ZNF98: variants seen among roughly 807,000 people sequenced by gnomAD.
ZNF98 encodes the protein zinc finger protein 98, also known as zinc finger protein 739.
ZNF98 carries 8 observed loss-of-function variants against 12.8 expected under a neutral mutation model. The observed-to-expected ratio is 0.63, with a 90% CI of 0.37 to 1.13. The LOEUF (loss-of-function observed/expected upper bound fraction) is 1.13, where lower values mean the gene tolerates loss of function less well. Among genes scored for constraint, ZNF98 ranks in the 50% most tolerant of loss-of-function variants. The pLI is 0.01. For missense variants in ZNF98, 379 were observed against 666.1 expected, an observed-to-expected ratio of 0.57 and a Z score of 4.74; for synonymous variants, 112 against 223.5, an observed-to-expected ratio of 0.50 and a Z score of 4.45.
chr19:22,394,773 C>T (rs954404270), intron 3 of ZNF98, among the ~76,000 whole-genome samples: 1 of 151,894 alleles, frequency 6.6e-6, no homozygotes, highest in Non-Finnish European at 1.5e-5. Flanking sequence ...GCACATGTAC[C>T]CTAGGACTTA....
At chr19:22,410,973 T>C (rs1267235293) in intron 1 of ZNF98, among the ~76,000 whole-genome samples, 5 of 152,220 alleles carry the variant, frequency 3.3e-5, no homozygotes, top group Non-Finnish European at 5.9e-5. Flanking sequence ...ATAATCTTTG[T>C]TGGCTTTTTA....
chr19:22,400,401 T>C (rs1215531548), intron 3 of ZNF98, among the ~76,000 whole-genome samples: 1 of 152,128 alleles, frequency 6.6e-6, no homozygotes, highest in East Asian at 1.9e-4. Flanking sequence ...GCCTACCATA[T>C]GCAGACCCAA....
At chr19:22,401,471 TATTG>T (rs1241923685) in intron 3 of ZNF98, among the ~76,000 whole-genome samples, 1 of 148,960 alleles carries the variant, frequency 6.7e-6, no homozygotes, top group Non-Finnish European at 1.5e-5. Flanking sequence ...ATTTCATGTC[TATTG>T]ATTGAAAGAA....
intron 1 of ZNF98, among the ~76,000 whole-genome samples, chr19:22,416,348 T>C (rs1284358283): frequency 6.6e-6 from 1 of 151,826 alleles, no homozygotes; most frequent in Non-Finnish European, 1.5e-5. Flanking sequence ...TGGGCATCTG[T>C]AGTCCCAGCT....
At chr19:22,398,388 T>C (rs892858070) in intron 3 of ZNF98, among the ~76,000 whole-genome samples, 3 of 151,270 alleles carry the variant, frequency 2.0e-5, no homozygotes, top group African/African-American at 7.3e-5. Context: ...TGTTTTTGAG[T>C]CAGGGTCTCA....
intron 3 of ZNF98, among the ~76,000 whole-genome samples, chr19:22,401,292 T>C (rs1431199314): frequency 1.3e-5 from 2 of 151,974 alleles, no homozygotes; most frequent in Admixed American, 6.6e-5. Flanking sequence ...AAGTTATGGT[T>C]CCATACACTT....
chr19:22,421,220 C>T (rs766501235), intron 1 of ZNF98, among the ~76,000 whole-genome samples: 2 of 151,934 alleles, frequency 1.3e-5, no homozygotes, highest in Non-Finnish European at 1.5e-5. Flanking sequence ...AATTAAAATA[C>T]GGTATATAAA....
In ZNF98 at chr19:22,391,519, T is replaced by C; in HGVS notation, c.1716A>G (p.Lys572=). Residue 572 remains lysine (K), a synonymous_variant, in exon 4 of 4, where the codon AAA becomes AAG. Transcript: ENST00000357774. ...CTTTGTCACATTCATATTTCTATTA[T>C]TTCTCACCAGCACAATTTCTTTTAT... ...SKYKRNCAGE[K] is the part of the protein sequence containing the mutation. 1 of 1,562,932 alleles carries C rather than the reference T, an allele frequency of 6.4e-7. No homozygotes were observed. Among genetic ancestry groups the C allele is most frequent in the South Asian group, 1.2e-5 (1 of 85,016 alleles).
intron 3 of ZNF98, among the ~76,000 whole-genome samples, chr19:22,397,623 A>G (rs1157604851): frequency 2.0e-5 from 3 of 148,880 alleles, no homozygotes; most frequent in Admixed American, 6.7e-5. Flanking sequence ...ATTAACAAAT[A>G]TATAGAAATT....
At position 22,392,743 on chromosome 19, in the gene ZNF98, A is replaced by G. The variant is rs1394682778; in HGVS notation, c.492T>C (p.His164=). 1.2e-6 allele frequency: 2 copies of G among 1,608,214 alleles called. No individual in the cohort carries two copies. Among genetic ancestry groups the G allele is most frequent in the South Asian group, 1.1e-5 (1 of 90,346 alleles). Residue 164 remains histidine, a synonymous_variant, in exon 4 of 4, where the codon CAT becomes CAC. Coordinates refer to ENST00000357774, the MANE Select transcript of ZNF98 (RefSeq NM_001098626.2). ...TATGTCTGTTTGAATTTGAAAATTT[A>G]TGAAAGACTTTCACATATTTGTCAT... is the stretch of plus-strand genomic sequence containing the variant. ...FQYDKYVKVF[H]KFSNSNRHKI... is the part of the protein sequence containing the mutation.
intron 1 of ZNF98, among the ~76,000 whole-genome samples, chr19:22,415,964 C>CACACACACACAG (rs1969637329): frequency 1.4e-5 from 2 of 143,872 alleles, no homozygotes; most frequent in Non-Finnish European, 3.0e-5. Context: ...CAGACACACA[C>CACACACACACAG]ACACACACAC....
intron 1 of ZNF98, among the ~76,000 whole-genome samples, chr19:22,414,232 C>CAAAAAAAAAAA (rs57966582): frequency 3.4e-5 from 3 of 89,384 alleles, no homozygotes; most frequent in Admixed American, 1.2e-4. Context: ...GACTCCATCT[C>CAAAAAAAAAAA]AAAAAAAAAA....
intron 1 of ZNF98, among the ~76,000 whole-genome samples, chr19:22,414,788 T>C (rs1347349543): frequency 6.6e-6 from 1 of 151,964 alleles, no homozygotes; most frequent in African/African-American, 2.4e-5. Flanking sequence ...TTTAAAAAGA[T>C]CCATGAAATA....
chr19:22,414,087 T>G (rs1315589345), intron 1 of ZNF98, among the ~76,000 whole-genome samples: 2 of 150,892 alleles, frequency 1.3e-5, no homozygotes, highest in African/African-American at 4.9e-5. Context: ...ATACAAAAAT[T>G]AGCCGGGCGT....
At position 22,410,843 on chromosome 19, in the gene ZNF98, G is replaced by T. The variant is rs192472075; in HGVS notation, c.31-7331C>A. On this transcript the variant is annotated intron_variant, in intron 1 of 3. Coordinates refer to ENST00000357774, the MANE Select transcript of ZNF98 (RefSeq NM_001098626.2). ...GTCAAGGCTGATGTTGCTCCCCCTA[G>T]GCTCATTATTAGCATTAGTTAGAGA... Among the ~76,000 whole-genome samples, 92 of 152,128 alleles carry T rather than the reference G, an allele frequency of 6.0e-4. 3 individuals carry two copies. Among genetic ancestry groups the T allele is most frequent in the East Asian group, 5.6e-3 (29 of 5,168 alleles).
chr19:22,402,072 A>G lies in ZNF98; in HGVS notation c.253+717T>C, dbSNP rs527310553. Among the ~76,000 whole-genome samples the G allele has an allele frequency of 3.3e-4, 49 of 149,654 alleles. 1 individual carries two copies. The highest frequency in any genetic ancestry group is 1.2e-3 in the African/African-American group (49 of 40,814). On this transcript the variant is annotated intron_variant, in intron 3 of 3. Coordinates refer to ENST00000357774, the MANE Select transcript of ZNF98 (RefSeq NM_001098626.2). ...GCGCCTGTATTCCCAGCTACTCAGG[A>G]GGCTGAGGCAGAAGAATCGCTTGAA...
intron 3 of ZNF98, among the ~76,000 whole-genome samples, chr19:22,395,807 C>G (rs1355817392): frequency 6.6e-5 from 10 of 151,374 alleles, no homozygotes; most frequent in Admixed American, 6.6e-4. Flanking sequence ...TATGATATAA[C>G]CAGTGAATTA....
chr19:22,401,587 A>G (rs62118626), intron 3 of ZNF98, among the ~76,000 whole-genome samples: 46 of 151,006 alleles, frequency 3.0e-4, no homozygotes, highest in East Asian at 1.2e-3. Context: ...AGGTTCAAGC[A>G]ATTCTTCCGC....
intron 1 of ZNF98, among the ~76,000 whole-genome samples, chr19:22,415,613 AAATAC>A (rs1278666225): frequency 2.4e-4 from 13 of 54,758 alleles, no homozygotes; most frequent in African/African-American, 1.2e-3. Flanking sequence ...TCTCTACAAA[AAATAC>A]AAAAAAAAAA....
Sources: gnomAD v4.1 joint callset for allele counts (sites outside exome capture counted in the v4.1 genomes callset) on GRCh38, gnomAD v4.1.1 for gene constraint, MANE v1.5 for transcripts, NCBI Gene and HGNC (gene_info 2026-07-23, HGNC 2026-07-21) for gene names.